Variants in TSPAN9 observed in about 807,000 individuals in gnomAD.
TSPAN9 encodes tetraspanin 9.
In TSPAN9, 16 loss-of-function variants were observed where a neutral mutation model predicts 31.0. The observed-to-expected ratio is 0.52, with a 90% CI of 0.35 to 0.78. The LOEUF (loss-of-function observed/expected upper bound fraction) is 0.78, where lower values mean the gene tolerates loss of function less well. Among genes scored for constraint, TSPAN9 ranks in the 30% least tolerant of loss-of-function variants. The pLI is 0.01. For synonymous variants in TSPAN9, 145 were observed against 121.6 expected, an observed-to-expected ratio of 1.19 and a Z score of -1.27; for missense variants, 272 against 312.5, an observed-to-expected ratio of 0.87 and a Z score of 0.98.
intron 2 of TSPAN9, among the ~76,000 whole-genome samples, chr12:3,194,437 A>G (rs997748851): frequency 1.3e-5 from 2 of 152,030 alleles, no homozygotes; most frequent in Non-Finnish European, 2.9e-5. Flanking sequence ...ACCCAAGCAA[A>G]GTGTGGTGGC....
At chr12:3,165,905 G>T (rs2098348138) in intron 2 of TSPAN9, among the ~76,000 whole-genome samples, 1 of 152,196 alleles carries the variant, frequency 6.6e-6, no homozygotes, top group African/African-American at 2.4e-5. Context: ...CTCATGCAGG[G>T]GACGGGCCTC....
chr12:3,232,332 G>A (rs1165522333), intron 3 of TSPAN9, among the ~76,000 whole-genome samples: 3 of 151,930 alleles, frequency 2.0e-5, no homozygotes, highest in Non-Finnish European at 2.9e-5. Flanking sequence ...ATAACCAGAG[G>A]ATATGAAACC....
At chr12:3,274,390 C>G (rs969502731) in intron 3 of TSPAN9, among the ~76,000 whole-genome samples, 1 of 137,756 alleles carries the variant, frequency 7.3e-6, no homozygotes, top group East Asian at 1.9e-4. Context: ...TAAGGTCACA[C>G]TAGGGAGCAG....
chr12:3,278,686 C>A, intron 4 of TSPAN9, 74 bp downstream of exon 4: 1 of 1,551,802 alleles, frequency 6.4e-7, no homozygotes, highest in South Asian at 1.2e-5. Flanking sequence ...ACAGGCAAGA[C>A]CTGGAATATT....
intron 4 of TSPAN9, 109 bp from the exon 5 acceptor site, chr12:3,278,883 C>T: frequency 8.2e-7 from 1 of 1,215,538 alleles, no homozygotes; most frequent in Non-Finnish European, 1.2e-6. Context: ...TGGCTTCTCC[C>T]AGACCTGGGA....
chr12:3,195,545 G>A (rs1168976186), intron 2 of TSPAN9, among the ~76,000 whole-genome samples: 2 of 152,148 alleles, frequency 1.3e-5, no homozygotes, highest in African/African-American at 4.8e-5. Context: ...GAATGATCGG[G>A]AGCTGCCAGA....
chr12:3,122,666 C>A (rs892969928), intron 2 of TSPAN9, among the ~76,000 whole-genome samples: 1 of 152,100 alleles, frequency 6.6e-6, no homozygotes, highest in Non-Finnish European at 1.5e-5. Flanking sequence ...AGGTTTGAGT[C>A]CCCGCATCTG....
At chr12:3,109,090 C>T (rs1044101417) in intron 2 of TSPAN9, among the ~76,000 whole-genome samples, 2 of 152,046 alleles carry the variant, frequency 1.3e-5, no homozygotes. Context: ...CACTCGCCAC[C>T]ACGCCCGGCT....
At chr12:3,103,887 T>C (rs1565576600) in intron 2 of TSPAN9, among the ~76,000 whole-genome samples, 1 of 152,044 alleles carries the variant, frequency 6.6e-6, no homozygotes. Flanking sequence ...GCTCATATGT[T>C]GGTGGAGGAG....
chr12:3,137,736 C>G (rs2098332762), intron 2 of TSPAN9, among the ~76,000 whole-genome samples: 1 of 152,162 alleles, frequency 6.6e-6, no homozygotes, highest in Non-Finnish European at 1.5e-5. Context: ...TTGGCCTCTC[C>G]TCTCTCTGTT....
chr12:3,278,984 CT>C lies in TSPAN9; in HGVS notation c.256-5del. 1 of 1,614,156 alleles carries C rather than the reference CT, an allele frequency of 6.2e-7. No individual in the cohort carries two copies. Among genetic ancestry groups the C allele is most frequent in the Non-Finnish European group, 8.5e-7 (1 of 1,179,992 alleles). ...CCACCTACCCATGCCTGGCCCTTTC[CT>C]TTCCAGTTTTTCATCGTCCTGTTGG... On this transcript the variant is annotated splice_region_variant and splice_polypyrimidine_tract_variant and intron_variant, in intron 4 of 8. Transcript: ENST00000011898.
At chr12:3,203,122 C>A (rs1481595510) in intron 3 of TSPAN9, among the ~76,000 whole-genome samples, 1 of 152,156 alleles carries the variant, frequency 6.6e-6, no homozygotes, top group African/African-American at 2.4e-5. Context: ...GCTTGTAACC[C>A]CACTCAGCTG....
intron 2 of TSPAN9, among the ~76,000 whole-genome samples, chr12:3,167,778 G>A (rs973068243): frequency 2.0e-5 from 3 of 152,186 alleles, no homozygotes; most frequent in Admixed American, 6.5e-5. Context: ...CTGACCTGGT[G>A]TGCAGGGGCC....
chr12:3,191,647 G>A (rs2098364478), intron 2 of TSPAN9, among the ~76,000 whole-genome samples: 1 of 152,166 alleles, frequency 6.6e-6, no homozygotes, highest in African/African-American at 2.4e-5. Context: ...CCCTGTGCCT[G>A]CCCTCCCTTG....
intron 2 of TSPAN9, among the ~76,000 whole-genome samples, chr12:3,097,641 C>T (rs1045402992): frequency 6.6e-6 from 1 of 152,186 alleles, no homozygotes. Flanking sequence ...AAGTACAGTG[C>T]TGGCCCAGGG....
chr12:3,270,035 C>T (rs187686201), intron 3 of TSPAN9, among the ~76,000 whole-genome samples: 3 of 152,350 alleles, frequency 2.0e-5, no homozygotes, highest in East Asian at 1.9e-4. Context: ...TTTGGCATCC[C>T]GGCCACACGT....
chr12:3,153,452 G>C (rs986995072), intron 2 of TSPAN9, among the ~76,000 whole-genome samples: 11 of 151,906 alleles, frequency 7.2e-5, no homozygotes, highest in African/African-American at 2.7e-4. Flanking sequence ...AGAATTTTGT[G>C]TTCTATTTGC....
At chr12:3,164,047 C>G (rs2098346948) in intron 2 of TSPAN9, among the ~76,000 whole-genome samples, 1 of 152,164 alleles carries the variant, frequency 6.6e-6, no homozygotes, top group African/African-American at 2.4e-5. Context: ...CTTAGAAGGC[C>G]AAGCTATAGA....
At chr12:3,207,291 C>A (rs566755163) in intron 3 of TSPAN9, among the ~76,000 whole-genome samples, 13 of 152,064 alleles carry the variant, frequency 8.5e-5, no homozygotes, top group Admixed American at 5.9e-4. Flanking sequence ...TTTTCTCCCC[C>A]CTTTCCAGCC....
Sources: allele counts gnomAD v4.1 joint callset (sites outside exome capture counted in the v4.1 genomes callset), GRCh38; gene constraint gnomAD v4.1.1; transcripts MANE v1.5; gene names NCBI Gene and HGNC (gene_info 2026-07-23, HGNC 2026-07-21).